BCKDHB: variants seen among roughly 807,000 people sequenced by gnomAD.
BCKDHB encodes 2-oxoisovalerate dehydrogenase subunit beta, mitochondrial.
BCKDHB carries 41 observed loss-of-function variants against 48.5 expected under a neutral mutation model. That is an observed-to-expected ratio of 0.85 (90% CI 0.66 to 1.10). The LOEUF (loss-of-function observed/expected upper bound fraction) is 1.10. Among genes scored for constraint, BCKDHB ranks in the 50% least tolerant of loss-of-function variants. The pLI, the probability that BCKDHB is intolerant of heterozygous loss-of-function variation, is 0.00. For missense variants in BCKDHB, 496 were observed against 494.2 expected (o/e 1.00, Z -0.03); for synonymous variants, 201 against 174.8 (o/e 1.15, Z -1.18).
the BCKDHB span, among the ~76,000 whole-genome samples, chr6:80,430,685 T>A: frequency 1.3e-5 from 2 of 152,168 alleles, no homozygotes; most frequent in African/African-American, 4.8e-5. Context: ...TCATTTTTTA[T>A]TGCATCTATT....
intron 8 of BCKDHB, 78 bp from the exon 9 acceptor site, chr6:80,273,057 T>G (rs1159617560): frequency 1.8e-6 from 2 of 1,084,542 alleles, no homozygotes; most frequent in African/African-American, 3.1e-5. Flanking sequence ...AATTTACTTT[T>G]ATTACTGATT....
At chr6:80,362,249 C>G in the BCKDHB span, among the ~76,000 whole-genome samples, 2 of 152,088 alleles carry the variant, frequency 1.3e-5, no homozygotes, top group South Asian at 4.1e-4. Flanking sequence ...CTTCTCTGAT[C>G]ACATTTTGAC....
chr6:80,257,816 G>A (rs1013422507), intron 8 of BCKDHB, among the ~76,000 whole-genome samples: 5 of 152,036 alleles, frequency 3.3e-5, no homozygotes, highest in Admixed American at 3.3e-4. Flanking sequence ...TGGAGAGGAA[G>A]GATATATCCC....
chr6:80,314,986 G>A (rs114849619), intron 9 of BCKDHB, among the ~76,000 whole-genome samples: 130 of 152,310 alleles, frequency 8.5e-4, no homozygotes, highest in African/African-American at 3.0e-3. Context: ...CTGCAGAGAT[G>A]GCAGCCCACC....
chr6:80,403,704 A>G, the BCKDHB span, among the ~76,000 whole-genome samples: 1 of 152,088 alleles, frequency 6.6e-6, no homozygotes, highest in African/African-American at 2.4e-5. Flanking sequence ...GTATAATGTT[A>G]GCTGTGGATT....
the BCKDHB span, among the ~76,000 whole-genome samples, chr6:80,409,884 C>T: frequency 6.6e-6 from 1 of 151,720 alleles, no homozygotes; most frequent in Non-Finnish European, 1.5e-5. Context: ...TCCAATTTGC[C>T]AGTCTGTATC....
rs558312078 is a variant in BCKDHB at position 80,290,441 on chromosome 6, G to C, written c.1038+17220G>C. Among the ~76,000 whole-genome samples the C allele has an allele frequency of 2.0e-5, 3 of 152,314 alleles. No individual in the cohort carries two copies. The East Asian group carries it at 5.8e-4, about 29-fold the overall frequency. On this transcript the variant is annotated intron_variant, in intron 9 of 9. Coordinates refer to ENST00000320393, the MANE Select transcript of BCKDHB (RefSeq NM_183050.4). The stretch of plus-strand genomic sequence containing the variant: ...GGCCCAGGAGCAGACCTGGTGAGGG[G>C]GCCATGTCTCTCCCCCGCCCACTGC...
chr6:80,411,899 C>A, the BCKDHB span, among the ~76,000 whole-genome samples: 1 of 152,230 alleles, frequency 6.6e-6, no homozygotes, highest in South Asian at 2.1e-4. Flanking sequence ...AATCCCCCGA[C>A]CCCTTCAACT....
intron 8 of BCKDHB, among the ~76,000 whole-genome samples, chr6:80,260,532 T>C (rs1051101451): frequency 2.0e-5 from 3 of 152,256 alleles, no homozygotes; most frequent in East Asian, 3.9e-4. Context: ...TTCAGAGCCA[T>C]AGAATCCTTT....
chr6:80,450,979 C>T, the BCKDHB span, among the ~76,000 whole-genome samples: 1 of 152,116 alleles, frequency 6.6e-6, no homozygotes, highest in Admixed American at 6.6e-5. Context: ...TAAAAATAAT[C>T]TATTCCATAA....
At chr6:80,391,177 A>ATGTG in the BCKDHB span, among the ~76,000 whole-genome samples, 2,857 of 149,212 alleles carry the variant, frequency 0.019, 95 homozygotes, top group African/African-American at 0.065. Flanking sequence ...GCATATATAT[A>ATGTG]TGTGTGTGTG....
chr6:80,395,717 T>G, the BCKDHB span, among the ~76,000 whole-genome samples: 2 of 152,158 alleles, frequency 1.3e-5, no homozygotes, highest in African/African-American at 4.8e-5. Context: ...GGGGAAAATA[T>G]CTCCTGGGCA....
downstream of BCKDHB, among the ~76,000 whole-genome samples, chr6:80,347,821 A>G (rs533903046): frequency 7.7e-4 from 118 of 152,312 alleles, no homozygotes; most frequent in Non-Finnish European, 1.5e-3. Context: ...ACATACATAC[A>G]CATTTAATTT....
chr6:80,167,583 T>C (rs983612297), intron 3 of BCKDHB, 95 bp from the exon 4 acceptor site: 1 of 1,275,704 alleles, frequency 7.8e-7, no homozygotes, highest in Non-Finnish European at 1.1e-6. Context: ...TCTATACTTC[T>C]CCATCCCATT....
chr6:80,155,447 A>G lies in BCKDHB; in HGVS notation c.344-12231A>G, dbSNP rs139337983. On this transcript the variant is annotated intron_variant, in intron 3 of 9. Coordinates refer to ENST00000320393, the MANE Select transcript of BCKDHB (RefSeq NM_183050.4). ...AAGGGAAGCAATTGTTGATTCGGGT[A>G]TCAAGCTGCCAGTTACTGGCTATTG... is the stretch of plus-strand genomic sequence containing the variant. 1.8e-3 allele frequency among the ~76,000 whole-genome samples: 270 copies of G among 152,306 alleles called. 1 individual carries two copies. The highest frequency in any genetic ancestry group is 6.0e-3 in the African/African-American group (251 of 41,588).
Position 80,316,608 on chromosome 6 carries a change from A to ATTAATAAATGGAGAAAATTATGAAAT in BCKDHB, c.1039-27056_1039-27055insTTAATAAATGGAGAAAATTATGAAAT, listed in dbSNP as rs1647144761. 3.3e-5 allele frequency among the ~76,000 whole-genome samples: 5 copies of ATTAATAAATGGAGAAAATTATGAAAT among 152,210 alleles called. No individual in the cohort carries two copies. The South Asian group carries it at 1.0e-3, about 32-fold the overall frequency. On this transcript the variant is annotated intron_variant, in intron 9 of 9. Transcript: ENST00000320393. The stretch of plus-strand genomic sequence containing the variant: ...AAATTATGAAATCAAGGTACTTCCC[A>ATTAATAAATGGAGAAAATTATGAAAT]CAAGGAATTCTTAAAGGGCTTTATA...
At chr6:80,428,721 G>T in the BCKDHB span, among the ~76,000 whole-genome samples, 1 of 151,772 alleles carries the variant, frequency 6.6e-6, no homozygotes, top group African/African-American at 2.4e-5. Flanking sequence ...GGGGTTGTTT[G>T]TTTTTTTTCT....
At chr6:80,369,503 A>C in the BCKDHB span, among the ~76,000 whole-genome samples, 40 of 152,314 alleles carry the variant, frequency 2.6e-4, 1 homozygote, top group East Asian at 7.0e-3. Flanking sequence ...TTTGGTTTAT[A>C]TTTAAGTGAG....
At chr6:80,450,969 T>A in the BCKDHB span, among the ~76,000 whole-genome samples, 4 of 152,018 alleles carry the variant, frequency 2.6e-5, no homozygotes, top group African/African-American at 9.7e-5. Context: ...ACAACAATAA[T>A]AAAAATAATC....
Sources: allele counts gnomAD v4.1 joint callset (sites outside exome capture counted in the v4.1 genomes callset), GRCh38; gene constraint gnomAD v4.1.1; transcripts MANE v1.5; gene names NCBI Gene and HGNC (gene_info 2026-07-23, HGNC 2026-07-21).